SSU72: variants seen among roughly 807,000 people sequenced by gnomAD.
SSU72 encodes RNA polymerase II subunit A C-terminal domain phosphatase SSU72.
SSU72 carries 12 observed loss-of-function variants against 22.7 expected under a neutral mutation model. The observed-to-expected ratio is 0.53, with a 90% CI of 0.34 to 0.86. The LOEUF (loss-of-function observed/expected upper bound fraction) is 0.86. Ranked by LOEUF, SSU72 falls within the 40% of genes least tolerant of loss-of-function variation. The pLI is 0.02. For synonymous variants in SSU72, 116 were observed against 98.3 expected (o/e 1.18, Z -1.06); for missense variants, 151 against 249.8 (o/e 0.60, Z 2.67).
chr1:1,570,205 G>T (rs1642710336), intron 1 of SSU72, among the ~76,000 whole-genome samples: 1 of 151,130 alleles, frequency 6.6e-6, no homozygotes, highest in African/African-American at 2.4e-5. Flanking sequence ...GAGGCAGGAG[G>T]ATCGTTTTAG....
At position 1,574,622 on chromosome 1, in the gene SSU72, C is replaced by A. The variant is rs1187114817; in HGVS notation, c.-65G>T. 54 of 1,484,966 alleles carry A rather than the reference C, an allele frequency of 3.6e-5. No individual in the cohort carries two copies. The East Asian group carries it at 1.5e-3, about 41-fold the overall frequency. The allele number at this position is 1,484,966 out of a possible 1,614,324, so 92.0% of individuals were successfully genotyped here. On this transcript the variant is annotated 5_prime_UTR_variant, in exon 1 of 5. Transcript: ENST00000291386. ...CCCACCCTACCGCGGCGCTTCCGCGCGAACAAAATGGCGGCCGCGGTGGCC... is the reference window on the plus strand; with the variant it reads ...CCCACCCTACCGCGGCGCTTCCGCGAGAACAAAATGGCGGCCGCGGTGGCC...
rs1013339659 is a variant in SSU72 at position 1,554,028 on chromosome 1, C to T, written c.225-9026G>A. On this transcript the variant is annotated intron_variant, in intron 2 of 4. Transcript: ENST00000291386. The surrounding 1 kb of genome is among the most constrained non-coding windows in gnomAD (Gnocchi z 4.1). ...GTGAGAACTCAGCAGGTCCGGGGGA[C>T]GTCAGGTGGCCACGGAGACCACGTG... Among the ~76,000 whole-genome samples the T allele has an allele frequency of 2.0e-5, 3 of 152,160 alleles. No homozygotes were observed. The highest frequency in any genetic ancestry group is 2.9e-5 in the Non-Finnish European group (2 of 68,034).
chr1:1,550,658 A>G (rs1054018019), intron 2 of SSU72, among the ~76,000 whole-genome samples: 8 of 152,088 alleles, frequency 5.3e-5, no homozygotes, highest in African/African-American at 1.9e-4. Flanking sequence ...CGAGGCAGTG[A>G]TCTCGCCTGG....
At chr1:1,573,115 T>G (rs1417368328) in intron 1 of SSU72, among the ~76,000 whole-genome samples, 1 of 148,104 alleles carries the variant, frequency 6.8e-6, no homozygotes, top group East Asian at 2.0e-4. Flanking sequence ...ATGGTGAAGC[T>G]CCGTCTCTAC....
intron 3 of SSU72, 197 bp downstream of exon 3, chr1:1,544,666 C>A: frequency 1.5e-6 from 1 of 662,120 alleles, no homozygotes; most frequent in East Asian, 2.7e-5. Flanking sequence ...CCTTGAAGCC[C>A]ATGAGGCTGC....
chr1:1,567,786 G>C (rs574619434), intron 1 of SSU72, among the ~76,000 whole-genome samples: 2 of 151,774 alleles, frequency 1.3e-5, no homozygotes, highest in Non-Finnish European at 2.9e-5. Context: ...GGTGGCACAC[G>C]CCTGTAATCC....
chr1:1,570,762 C>T (rs1047925934), intron 1 of SSU72, among the ~76,000 whole-genome samples: 3 of 152,202 alleles, frequency 2.0e-5, no homozygotes, highest in Non-Finnish European at 2.9e-5. Context: ...TGGAGACAGA[C>T]GGACACCAAA....
rs1198613090 is a variant in SSU72, at chr1:1,542,105, C to T, written c.546G>A (p.Lys182=). The T allele has an allele frequency of 1.3e-6, 2 of 1,593,398 alleles. No homozygotes were observed. Among genetic ancestry groups the T allele is most frequent in the East Asian group, 2.3e-5 (1 of 44,216 alleles). ...CGGTGTGCAGAAAGGTGCGGCCACT[C>T]TTCTCCTCGAACTCCTGCAGCAGCT... The part of the protein sequence containing the change: ...IDELLQEFEE[K]SGRTFLHTVC... Residue 182 remains lysine (K), a synonymous_variant, in exon 5 of 5, where the codon AAG becomes AAA. Coordinates refer to ENST00000291386, the MANE Select transcript of SSU72 (RefSeq NM_014188.3). The surrounding 1 kb of genome is among the most constrained non-coding windows in gnomAD (Gnocchi z 4.4).
rs558962793 is a variant in SSU72 at position 1,559,184 on chromosome 1, G to A, written c.224+5589C>T. Among the ~76,000 whole-genome samples, 5 of 152,306 alleles carry A rather than the reference G, an allele frequency of 3.3e-5. No individual in the cohort carries two copies. In the East Asian group the frequency reaches 5.8e-4, roughly 18 times the overall value. ...AGAAATAGTTCCACGCATGCTCAGCGAAAGAACAAAAGGCTGCATATGAAC... is the reference window on the plus strand; with the variant it reads ...AGAAATAGTTCCACGCATGCTCAGCAAAAGAACAAAAGGCTGCATATGAAC... On this transcript the variant is annotated intron_variant, in intron 2 of 4. Transcript: ENST00000291386.
intron 1 of SSU72, among the ~76,000 whole-genome samples, chr1:1,567,210 G>A (rs1642672779): frequency 6.6e-6 from 1 of 152,196 alleles, no homozygotes; most frequent in South Asian, 2.1e-4. Context: ...AGGGCACCCT[G>A]CTGCGCCACC....
chr1:1,546,364 C>CA (rs1033899545), intron 2 of SSU72: 13 of 152,256 alleles, frequency 8.5e-5, no homozygotes, highest in African/African-American at 3.1e-4. Context: ...GTCACACACC[C>CA]ACCCCTGACG....
intron 4 of SSU72, among the ~76,000 whole-genome samples, chr1:1,543,287 T>A (rs1157508740): frequency 6.6e-6 from 1 of 152,120 alleles, no homozygotes; most frequent in Non-Finnish European, 1.5e-5. Context: ...CAGGCTCACG[T>A]GGGGCACACC....
rs376636751 is a variant in SSU72 at position 1,542,383 on chromosome 1, C to T, written c.484-216G>A. On this transcript the variant is annotated intron_variant, in intron 4 of 4. Transcript: ENST00000291386. The surrounding 1 kb of genome is among the most constrained non-coding windows in gnomAD (Gnocchi z 4.4). ...CACCTCCCCACCGACCCTCACAGGA[C>T]CTGAAGCTGGGAGGAGCTGGGAGGA... Among the ~76,000 whole-genome samples, 21 of 152,250 alleles carry T rather than the reference C, an allele frequency of 1.4e-4. No individual in the cohort carries two copies. In the East Asian group the frequency reaches 2.7e-3, roughly 20 times the overall value.
intron 2 of SSU72, among the ~76,000 whole-genome samples, chr1:1,546,835 T>C (rs1570381594): frequency 1.9e-5 from 2 of 104,414 alleles, no homozygotes; most frequent in Admixed American, 1.2e-4. Context: ...AGAGTAAAAC[T>C]CCTTCTGGAA....
At chr1:1,549,700 C>T (rs1224108471) in intron 2 of SSU72, among the ~76,000 whole-genome samples, 2 of 151,718 alleles carry the variant, frequency 1.3e-5, no homozygotes, top group Non-Finnish European at 1.5e-5. Context: ...TATGGCTGGG[C>T]GCAGTGGCTC....
intron 1 of SSU72, among the ~76,000 whole-genome samples, chr1:1,565,876 C>T (rs1642655403): frequency 6.6e-6 from 1 of 152,206 alleles, no homozygotes; most frequent in African/African-American, 2.4e-5. Flanking sequence ...CGTCTCCAAA[C>T]ACTGATGGAG....
rs1332759431 is a variant in SSU72 at position 1,541,837 on chromosome 1, A to C, written c.*229T>G. On this transcript the variant is annotated 3_prime_UTR_variant, in exon 5 of 5. Transcript: ENST00000291386. ...ACCGTTGTCTTTCCTTTTTGGTTAA[A>C]GAAGAAAAACTTTGTAATCAATATC... 3.8e-6 allele frequency: 2 copies of C among 528,850 alleles called. No individual in the cohort carries two copies. Among genetic ancestry groups the C allele is most frequent in the Non-Finnish European group, 6.8e-6 (2 of 293,290 alleles). 32.8% of individuals were successfully genotyped at this position (528,850 alleles called of 1,614,324 possible).
intron 1 of SSU72, among the ~76,000 whole-genome samples, chr1:1,570,067 TTC>T (rs1557506840): frequency 6.6e-6 from 1 of 152,010 alleles, no homozygotes; most frequent in Non-Finnish European, 1.5e-5. Flanking sequence ...CACACAGAGT[TTC>T]TGAGTATTAA....
chr1:1,550,199 T>G (rs1429295991), intron 2 of SSU72, among the ~76,000 whole-genome samples: 1 of 147,214 alleles, frequency 6.8e-6, no homozygotes, highest in East Asian at 2.0e-4. Flanking sequence ...AAAGTATATA[T>G]ATATATATGT....
Sources: allele counts gnomAD v4.1 joint callset (sites outside exome capture counted in the v4.1 genomes callset), GRCh38; gene constraint gnomAD v4.1.1; non-coding constraint Gnocchi (gnomAD v3.1); transcripts MANE v1.5; gene names NCBI Gene and HGNC (gene_info 2026-07-23, HGNC 2026-07-21).